KAZN: variants seen among roughly 807,000 people sequenced by gnomAD.
KAZN encodes the protein kazrin, periplakin interacting protein.
KAZN carries 40 observed loss-of-function variants against 87.4 expected under a neutral mutation model. The observed-to-expected ratio is 0.46, with a 90% CI of 0.36 to 0.60. The LOEUF (loss-of-function observed/expected upper bound fraction) is 0.60, where lower values mean the gene tolerates loss of function less well. KAZN is among the 20% of genes least tolerant of loss of function. The pLI, the probability that KAZN is intolerant of heterozygous loss-of-function variation, is 0.00. For synonymous variants in KAZN, 466 were observed against 458.3 expected (o/e 1.02, Z -0.22); for missense variants, 898 against 1,073.9 (o/e 0.84, Z 2.29).
chr1:14,845,586 G>GATGGATGGATGGATGA (rs1292384658), intron 1 of KAZN, among the ~76,000 whole-genome samples: 105 of 151,996 alleles, frequency 6.9e-4, no homozygotes, highest in African/African-American at 2.4e-3. Flanking sequence ...TGGATGGATG[G>GATGGATGGATGGATGA]ATGGATGGAT....
At chr1:14,003,520 T>G (rs1039131848) in intron 1 of KAZN, among the ~76,000 whole-genome samples, 1 of 151,806 alleles carries the variant, frequency 6.6e-6, no homozygotes, top group Non-Finnish European at 1.5e-5. Flanking sequence ...AGTATAATAC[T>G]GACACACGGA....
At chr1:14,523,291 A>G (rs1233718583) in intron 2 of KAZN, among the ~76,000 whole-genome samples, 2 of 152,116 alleles carry the variant, frequency 1.3e-5, no homozygotes, top group African/African-American at 4.8e-5. Context: ...CTCGCTCTTC[A>G]TGTCCCTCCC....
intron 1 of KAZN, among the ~76,000 whole-genome samples, chr1:14,145,704 C>A: frequency 6.6e-6 from 1 of 152,192 alleles, no homozygotes; most frequent in East Asian, 1.9e-4. Context: ...CCTCATCCTC[C>A]CAAGTAGCTG....
chr1:13,946,770 C>T (rs74733856), intron 1 of KAZN, among the ~76,000 whole-genome samples: 2 of 124,134 alleles, frequency 1.6e-5, no homozygotes, highest in African/African-American at 6.0e-5. Context: ...ACTCCGTAAC[C>T]CTACTTCCTA....
In KAZN at chr1:14,598,857, C is replaced by T. The variant is rs1164865461; in HGVS notation, c.-141C>T. The T allele has an allele frequency of 1.4e-6, 2 of 1,424,818 alleles. No homozygotes were observed. The highest frequency in any genetic ancestry group is 3.1e-5 in the East Asian group (1 of 32,728). 88.3% of individuals were successfully genotyped at this position (1,424,818 alleles called of 1,614,324 possible). A position where few individuals can be genotyped will look rare whatever the true frequency, so the allele number is the denominator to read the frequency against. On this transcript the variant is annotated 5_prime_UTR_variant, in exon 1 of 15. Coordinates refer to ENST00000376030, the MANE Select transcript of KAZN (RefSeq NM_201628.3). The surrounding 1 kb of genome is among the most constrained non-coding windows in gnomAD (Gnocchi z 4.2). ...TCCTGTGCCGGAGGAACCGGCGCTG[C>T]CGGTGCCTGGGGGTCGGGGCGCGGG...
intron 1 of KAZN, among the ~76,000 whole-genome samples, chr1:14,717,121 C>T (rs543883982): frequency 1.4e-3 from 205 of 150,622 alleles, no homozygotes; most frequent in Middle Eastern, 6.8e-3. Context: ...TTATCTGTGT[C>T]GTCCTTGGAT....
chr1:14,665,899 A>G (rs1311546525), intron 1 of KAZN, among the ~76,000 whole-genome samples: 2 of 143,074 alleles, frequency 1.4e-5, no homozygotes, highest in Admixed American at 7.1e-5. Context: ...TTCCTTTGGC[A>G]GTTTGGAGGC....
At chr1:14,115,908 C>G (rs757372115) in intron 1 of KAZN, among the ~76,000 whole-genome samples, 5 of 152,226 alleles carry the variant, frequency 3.3e-5, no homozygotes, top group African/African-American at 1.2e-4. Flanking sequence ...AGTCTTGTTA[C>G]GTTTTACCAA....
intron 1 of KAZN, among the ~76,000 whole-genome samples, chr1:14,812,389 T>C (rs1212459332): frequency 6.6e-6 from 1 of 152,190 alleles, no homozygotes; most frequent in African/African-American, 2.4e-5. Flanking sequence ...CACCCACGTG[T>C]CTTCAACTCG....
intron 1 of KAZN, among the ~76,000 whole-genome samples, chr1:14,170,812 C>T (rs1014576219): frequency 4.6e-5 from 7 of 152,316 alleles, no homozygotes; most frequent in African/African-American, 1.7e-4. Flanking sequence ...ACCTCTACCT[C>T]CTGGGTTCAA....
intron 1 of KAZN, among the ~76,000 whole-genome samples, chr1:14,880,446 T>G (rs1389950288): frequency 6.6e-6 from 1 of 152,102 alleles, no homozygotes; most frequent in Non-Finnish European, 1.5e-5. Context: ...CCAAACTGAG[T>G]ATAAAACACT....
At chr1:14,618,134 G>C (rs993273798) in intron 1 of KAZN, among the ~76,000 whole-genome samples, 1 of 152,366 alleles carries the variant, frequency 6.6e-6, no homozygotes, top group East Asian at 1.9e-4. Flanking sequence ...CGAGATGGCA[G>C]CTGAGTCCGG....
chr1:14,390,389 A>G (rs1662317534), intron 2 of KAZN, among the ~76,000 whole-genome samples: 2 of 152,216 alleles, frequency 1.3e-5, no homozygotes, highest in Admixed American at 6.5e-5. Flanking sequence ...CGAAATCATG[A>G]GAGGTGGATA....
intron 1 of KAZN, among the ~76,000 whole-genome samples, chr1:14,951,214 C>A (rs4661548): frequency 0.52 from 79,459 of 151,888 alleles, 21,890 homozygotes; most frequent in African/African-American, 0.69. Flanking sequence ...AGTACAGAAC[C>A]GAGGAGGTGC....
At chr1:14,075,878 A>C (rs983569445) in intron 1 of KAZN, among the ~76,000 whole-genome samples, 2 of 152,148 alleles carry the variant, frequency 1.3e-5, no homozygotes, top group African/African-American at 4.8e-5. Flanking sequence ...CCCCAAACTC[A>C]TATGGGAAAG....
intron 1 of KAZN, among the ~76,000 whole-genome samples, chr1:14,752,305 A>G (rs1489480731): frequency 6.6e-6 from 1 of 152,196 alleles, no homozygotes; most frequent in African/African-American, 2.4e-5. Flanking sequence ...TGATGCTGAT[A>G]TGCCTTCCCT....
chr1:14,973,767 T>C (rs985820100), intron 2 of KAZN, among the ~76,000 whole-genome samples: 1 of 152,164 alleles, frequency 6.6e-6, no homozygotes, highest in African/African-American at 2.4e-5. Flanking sequence ...ATCAGATTAT[T>C]TGAAGAGAAA....
intron 1 of KAZN, among the ~76,000 whole-genome samples, chr1:14,118,812 A>G (rs1644686676): frequency 6.6e-6 from 1 of 152,216 alleles, no homozygotes; most frequent in Non-Finnish European, 1.5e-5. Flanking sequence ...AATTAGGGAT[A>G]GAGCCGGGAA....
intron 1 of KAZN, among the ~76,000 whole-genome samples, chr1:14,654,769 C>A (rs1169046337): frequency 1.3e-5 from 2 of 152,202 alleles, no homozygotes; most frequent in Non-Finnish European, 2.9e-5. Flanking sequence ...GACATGCTGG[C>A]AGCTTCTCAC....
Sources: allele counts gnomAD v4.1 joint callset (sites outside exome capture counted in the v4.1 genomes callset), GRCh38; gene constraint gnomAD v4.1.1; non-coding constraint Gnocchi (gnomAD v3.1); transcripts MANE v1.5; gene names NCBI Gene and HGNC (gene_info 2026-07-23, HGNC 2026-07-21).